Variants in PIK3C2B observed in about 807,000 individuals in gnomAD.
PIK3C2B encodes phosphatidylinositol-4-phosphate 3-kinase catalytic subunit type 2 beta.
PIK3C2B carries 83 observed loss-of-function variants against 184.3 expected under a neutral mutation model. The observed-to-expected ratio is 0.45, with a 90% CI of 0.38 to 0.54. The LOEUF (loss-of-function observed/expected upper bound fraction) is 0.54. PIK3C2B is among the 20% of genes least tolerant of loss of function. The pLI is 0.00. For synonymous variants in PIK3C2B, 779 were observed against 837.6 expected, an observed-to-expected ratio of 0.93 and a Z score of 1.21; for missense variants, 1,736 against 2,113.5, an observed-to-expected ratio of 0.82 and a Z score of 3.50.
chr1:204,448,479 C>G (rs912712026), intron 14 of PIK3C2B, among the ~76,000 whole-genome samples: 43 of 151,990 alleles, frequency 2.8e-4, no homozygotes, highest in African/African-American at 9.9e-4. Context: ...GCAAATAAGA[C>G]AGACAAAAAT....
At chr1:204,471,023 G>A (rs1656274573) in intron 1 of PIK3C2B, among the ~76,000 whole-genome samples, 1 of 152,244 alleles carries the variant, frequency 6.6e-6, no homozygotes, top group African/African-American at 2.4e-5. Flanking sequence ...GGAACCTTTG[G>A]AGGTGATGAA....
chr1:204,443,108 G>A (rs1675763547), intron 19 of PIK3C2B, among the ~76,000 whole-genome samples: 1 of 152,238 alleles, frequency 6.6e-6, no homozygotes, highest in African/African-American at 2.4e-5. Context: ...AAATATGGCT[G>A]GATTTCAGCC....
In PIK3C2B at chr1:204,446,126, C is replaced by A; in HGVS notation, c.2508G>T (p.Lys836Asn). Residue 836 changes from lysine (K) to asparagine (N), a missense_variant, in exon 16 of 33, where the codon AAG becomes AAT. By Grantham distance (94) the Lys-to-Asn change is moderately conservative. Coordinates refer to ENST00000684373, the MANE Select transcript of PIK3C2B (RefSeq NM_001377334.1). Reference sequence around the variant, plus strand: ...AATATCGCTTCTCCCACAGGCGCTTCTTGTCAGCATCAGTGAGCCTGGTGG... The same window carrying A: ...AATATCGCTTCTCCCACAGGCGCTTATTGTCAGCATCAGTGAGCCTGGTGG... ...ESLYWLTDAD[K>N]KRLWEKRYYC... 5 of 1,567,526 alleles carry A rather than the reference C, an allele frequency of 3.2e-6. No homozygotes were observed. Among genetic ancestry groups the A allele is most frequent in the Non-Finnish European group, 4.3e-6 (5 of 1,151,600 alleles).
chr1:204,467,078 C>T (rs184742788), intron 2 of PIK3C2B: 111 of 418,874 alleles, frequency 2.6e-4, no homozygotes, highest in African/African-American at 2.0e-3. Flanking sequence ...GCTTTGTGTC[C>T]GCTTCTTCAA....
In PIK3C2B at chr1:204,457,977, G is replaced by A. The variant is rs577635281; in HGVS notation, c.1567-103C>T. 3.4e-4 allele frequency: 342 copies of A among 992,754 alleles called. 6 individuals carry two copies. In the South Asian group the frequency reaches 4.7e-3, roughly 14 times the overall value. 61.5% of individuals were successfully genotyped at this position (992,754 alleles called of 1,614,324 possible). On this transcript the variant is annotated intron_variant, in intron 8 of 32. Transcript: ENST00000684373. The stretch of plus-strand genomic sequence containing the variant: ...TTAAAGGAAAGGGTTGGGAAGAGTA[G>A]AGAGATTCATGATCCTCAGGGGTAA...
At position 204,432,381 on chromosome 1, in the gene PIK3C2B, C is replaced by A; in HGVS notation, c.3974G>T (p.Gly1325Val). The change falls in exon 27 of 33, where the codon GGC becomes GTC. Residue 1325 changes from glycine (G) to valine (V), a missense_variant. Physicochemically the swap from Gly to Val is moderately radical, Grantham distance 109 (BLOSUM62 -3). Transcript: ENST00000684373. Reference sequence around the variant, plus strand: ...AAAATTGAGCTTTGTGGCTACACTGCCCAGGCTGGACTCAATCAACCTGGC... The same window carrying A: ...AAAATTGAGCTTTGTGGCTACACTGACCAGGCTGGACTCAATCAACCTGGC... ...YFTRLIESSLGSVATKLNFFI... is the reference protein window; with the variant it reads ...YFTRLIESSLVSVATKLNFFI... 1 of 1,614,004 alleles carries A rather than the reference C, an allele frequency of 6.2e-7. No individual in the cohort carries two copies. Among genetic ancestry groups the A allele is most frequent in the Non-Finnish European group, 8.5e-7 (1 of 1,179,974 alleles).
intron 1 of PIK3C2B, among the ~76,000 whole-genome samples, chr1:204,492,707 CCCTT>C (rs1658086052): frequency 6.6e-6 from 1 of 152,188 alleles, no homozygotes; most frequent in Admixed American, 6.5e-5. Context: ...GATAAACTGA[CCCTT>C]CCTCACCCAG....
chr1:204,448,319 T>C (rs1654047597), intron 14 of PIK3C2B, among the ~76,000 whole-genome samples: 1 of 151,950 alleles, frequency 6.6e-6, no homozygotes, highest in Non-Finnish European at 1.5e-5. Context: ...ATCACCATGT[T>C]GGCCACTCCT....
intron 1 of PIK3C2B, chr1:204,489,816 C>A (rs533284119): frequency 2.5e-6 from 1 of 398,026 alleles, no homozygotes; most frequent in South Asian, 1.3e-4. Flanking sequence ...GAACTCATAC[C>A]TGATTCTTCT....
chr1:204,428,163 T>C lies in PIK3C2B; in HGVS notation c.4456A>G (p.Thr1486Ala). 2 of 1,610,146 alleles carry C rather than the reference T, an allele frequency of 1.2e-6. No homozygotes were observed. Among genetic ancestry groups the C allele is most frequent in the South Asian group, 1.1e-5 (1 of 90,902 alleles). Residue 1486 changes from threonine (T) to alanine (A), a missense_variant, in exon 30 of 33, where the codon ACC becomes GCC. By Grantham distance (58) the Thr-to-Ala change is moderately conservative. This residue lies in a region of PIK3C2B where 200 missense variants were observed against 199.1 expected (regional missense o/e 1.00). Transcript: ENST00000684373. ...CCTGAGGACTTAGGAGCTGGGCTGGTGCCCATAGCCTTCTCATCCCGGGGC... is the reference window on the plus strand; with the variant it reads ...CCTGAGGACTTAGGAGCTGGGCTGGCGCCCATAGCCTTCTCATCCCGGGGC... ...PLPRDEKAMG[T>A]SPAPKSSDGT...
chr1:204,429,684 C>T (rs1293562624), intron 29 of PIK3C2B, among the ~76,000 whole-genome samples: 1 of 151,524 alleles, frequency 6.6e-6, no homozygotes, highest in Non-Finnish European at 1.5e-5. Context: ...TCATTCTCAG[C>T]CCATGTGCCT....
chr1:204,466,723 C>T (rs1655828784), intron 2 of PIK3C2B: 1 of 442,244 alleles, frequency 2.3e-6, no homozygotes, highest in Non-Finnish European at 4.6e-6. Flanking sequence ...ACTCTCATGT[C>T]CTTTCTGTAC....
At chr1:204,455,051 G>A (rs1407742382) in intron 11 of PIK3C2B, among the ~76,000 whole-genome samples, 1 of 152,250 alleles carries the variant, frequency 6.6e-6, no homozygotes, top group African/African-American at 2.4e-5. Context: ...AATGGGAACT[G>A]GCCACCCAGC....
chr1:204,482,994 T>C lies in PIK3C2B; in HGVS notation c.-85+11362A>G, dbSNP rs184715838. Among the ~76,000 whole-genome samples, 23 of 152,208 alleles carry C rather than the reference T, an allele frequency of 1.5e-4. No homozygotes were observed. The East Asian group carries it at 4.3e-3, about 28-fold the overall frequency. ...CCCCTTAGCCCTGCTCACCTGCACG[T>C]ACAGCGTGGTATGGACTCCCCATCC... is the stretch of plus-strand genomic sequence containing the variant. On this transcript the variant is annotated intron_variant, in intron 1 of 32. Coordinates refer to ENST00000684373, the MANE Select transcript of PIK3C2B (RefSeq NM_001377334.1).
rs10578144 is a variant in PIK3C2B, at chr1:204,483,389, CAA to C, written c.-85+10965_-85+10966del. On this transcript the variant is annotated intron_variant, in intron 1 of 32. Coordinates refer to ENST00000684373, the MANE Select transcript of PIK3C2B (RefSeq NM_001377334.1). ...GCCTGGGTGACAGAGAACCCTGACT[CAA>C]AAAAAAAAAAAAACGATCTTCAGAA... Among the ~76,000 whole-genome samples the C allele has an allele frequency of 7.4e-3, 1,091 of 147,538 alleles. 9 individuals carry two copies. Among genetic ancestry groups the C allele is most frequent in the African/African-American group, 0.022 (856 of 39,508 alleles).
chr1:204,464,249 G>T, intron 4 of PIK3C2B, 117 bp from the exon 5 acceptor site: 1 of 1,287,780 alleles, frequency 7.8e-7, no homozygotes, highest in Non-Finnish European at 1.1e-6. Context: ...TCACCAACCA[G>T]ATAAAGCAGG....
At chr1:204,456,198 T>C in intron 10 of PIK3C2B, 147 bp from the exon 11 acceptor site, 2 of 538,516 alleles carry the variant, frequency 3.7e-6, no homozygotes, top group Non-Finnish European at 6.4e-6. Flanking sequence ...AGTTCACCCA[T>C]CTGCGGTAAA....
intron 1 of PIK3C2B, among the ~76,000 whole-genome samples, chr1:204,476,501 G>A (rs865899225): frequency 3.3e-5 from 5 of 152,276 alleles, no homozygotes; most frequent in Middle Eastern, 3.4e-3. Flanking sequence ...AGCCGTGATC[G>A]TGCCATTGCA....
intron 1 of PIK3C2B, among the ~76,000 whole-genome samples, chr1:204,483,238 A>C (rs1244744779): frequency 6.6e-6 from 1 of 152,138 alleles, no homozygotes; most frequent in Admixed American, 6.5e-5. Context: ...CCTGGGAAAC[A>C]TAGACTCCAT....
Sources: gnomAD v4.1 joint callset for allele counts (sites outside exome capture counted in the v4.1 genomes callset) on GRCh38, gnomAD v4.1.1 for gene constraint, gnomAD v4.1.1 regional missense constraint, MANE v1.5 for transcripts, NCBI Gene and HGNC (gene_info 2026-07-23, HGNC 2026-07-21) for gene names.